CD70: variants seen among roughly 807,000 people sequenced by gnomAD.
CD70 encodes CD70 molecule.
In CD70, 6 loss-of-function variants were observed where a neutral mutation model predicts 9.0. That is an observed-to-expected ratio of 0.67 (90% CI 0.37 to 1.32). The LOEUF (loss-of-function observed/expected upper bound fraction) is 1.32, where lower values mean the gene tolerates loss of function less well. Ranked by LOEUF, CD70 falls within the 40% of genes most tolerant of loss-of-function variation. The pLI is 0.02. For missense variants in CD70, 235 were observed against 258.7 expected (o/e 0.91, Z 0.63); for synonymous variants, 108 against 112.3 (o/e 0.96, Z 0.24).
chr19:6,590,803 C>T lies in CD70; in HGVS notation c.162+38G>A. ...ATTCTGTCTTTTCGGTCACGCGCCTCTCTATGTTTTCTTCCCAACTTTTCC... is the reference window on the plus strand; with the variant it reads ...ATTCTGTCTTTTCGGTCACGCGCCTTTCTATGTTTTCTTCCCAACTTTTCC... On this transcript the variant is annotated intron_variant, in intron 1 of 2. Transcript: ENST00000245903. This position sits in a 1 kb window ranked among gnomAD's most constrained non-coding sequence, Gnocchi z 5.3. 2 of 1,564,998 alleles carry T rather than the reference C, an allele frequency of 1.3e-6. No individual in the cohort carries two copies. Among genetic ancestry groups the T allele is most frequent in the East Asian group, 2.2e-5 (1 of 44,570 alleles).
chr19:6,582,425 A>G (rs1915936087), downstream of CD70, among the ~76,000 whole-genome samples: 4 of 148,394 alleles, frequency 2.7e-5, no homozygotes, highest in Admixed American at 2.0e-4. Context: ...TTACATATGT[A>G]TATATGTGCC....
chr19:6,587,173 A>T (rs1916041593), intron 2 of CD70, among the ~76,000 whole-genome samples: 1 of 142,594 alleles, frequency 7.0e-6, no homozygotes, highest in African/African-American at 2.6e-5. Flanking sequence ...AGACAGCATG[A>T]GAGAGAGAGA....
rs1488195770 is a variant in CD70 at position 6,590,799 on chromosome 19, G to C, written c.162+42C>G. 6.5e-7 allele frequency: 1 copy of C among 1,529,728 alleles called. No individual in the cohort carries two copies. The highest frequency in any genetic ancestry group is 1.7e-5 in the Admixed American group (1 of 58,504). The allele number at this position is 1,529,728 out of a possible 1,614,324, so 94.8% of individuals were successfully genotyped here. ...TCTCATTCTGTCTTTTCGGTCACGC[G>C]CCTCTCTATGTTTTCTTCCCAACTT... On this transcript the variant is annotated intron_variant, in intron 1 of 2. Transcript: ENST00000245903. This position sits in a 1 kb window ranked among gnomAD's most constrained non-coding sequence, Gnocchi z 5.3.
At chr19:6,585,799 C>T (rs567306158), downstream of CD70, 65 of 476,332 alleles carry the variant, frequency 1.4e-4, 1 homozygote, top group East Asian at 1.9e-3. Flanking sequence ...CTCAGTCGGC[C>T]GAGTAGCTGG....
chr19:6,588,873 G>A (rs1916086676), intron 2 of CD70, among the ~76,000 whole-genome samples: 1 of 152,206 alleles, frequency 6.6e-6, no homozygotes, highest in Non-Finnish European at 1.5e-5. Context: ...AGGGATTTCT[G>A]TCTGTTTTGT....
intron 2 of CD70, among the ~76,000 whole-genome samples, chr19:6,589,264 CT>C (rs771158597): frequency 3.4e-4 from 50 of 149,070 alleles, no homozygotes; most frequent in African/African-American, 1.1e-3. Flanking sequence ...TTTTCTTTCT[CT>C]TATTTCTTTT....
At chr19:6,583,020 G>A (rs889924256), downstream of CD70, among the ~76,000 whole-genome samples, 1 of 152,134 alleles carries the variant, frequency 6.6e-6, no homozygotes, top group African/African-American at 2.4e-5. Context: ...TCCAGGTAAG[G>A]TTGGAGAGGG....
rs1247390055 is a variant in CD70 at position 6,590,417 on chromosome 19, C to T, written c.163-281G>A. On this transcript the variant is annotated intron_variant, in intron 1 of 2. Transcript: ENST00000245903. The surrounding 1 kb of genome is among the most constrained non-coding windows in gnomAD (Gnocchi z 5.3). ...TGTCACTGGGCGCGAGAGCACCGCG[C>T]GCAGCGGACTCTCTACGCTGCAAAG... is the stretch of plus-strand genomic sequence containing the variant. Among the ~76,000 whole-genome samples the T allele has an allele frequency of 3.9e-5, 6 of 152,312 alleles. No homozygotes were observed. Among genetic ancestry groups the T allele is most frequent in the Admixed American group, 6.5e-5 (1 of 15,300 alleles).
downstream of CD70, among the ~76,000 whole-genome samples, chr19:6,581,930 T>C (rs1444332803): frequency 6.6e-6 from 1 of 151,992 alleles, no homozygotes; most frequent in Non-Finnish European, 1.5e-5. Flanking sequence ...CTATATACAA[T>C]GGGGTACAGG....
In CD70 at chr19:6,590,033, C is replaced by T; in HGVS notation, c.196+70G>A. Reference sequence around the variant, plus strand: ...TTTCTCTCTGTCTCTCCCCACTTGTCTTTCTACCTCTCCTTCCTTCTCTCT... The same window carrying T: ...TTTCTCTCTGTCTCTCCCCACTTGTTTTTCTACCTCTCCTTCCTTCTCTCT... On this transcript the variant is annotated intron_variant, in intron 2 of 2. Coordinates refer to ENST00000245903, the MANE Select transcript of CD70 (RefSeq NM_001252.5). The surrounding 1 kb of genome is among the most constrained non-coding windows in gnomAD (Gnocchi z 5.3). 2.3e-6 allele frequency: 3 copies of T among 1,305,412 alleles called. No homozygotes were observed. The highest frequency in any genetic ancestry group is 3.3e-6 in the Non-Finnish European group (3 of 915,210). The allele number at this position is 1,305,412 out of a possible 1,614,324, so 80.9% of individuals were successfully genotyped here. A position where few individuals can be genotyped will look rare whatever the true frequency, so the allele number is the denominator to read the frequency against.
chr19:6,585,108 T>C (rs569088838), downstream of CD70, among the ~76,000 whole-genome samples: 38 of 152,074 alleles, frequency 2.5e-4, no homozygotes, highest in Admixed American at 2.1e-3. Context: ...TGCCTCAGCC[T>C]CCTGAGTAGC....
rs977515225 is a variant in CD70, at chr19:6,588,143, G to C, written c.197-1738C>G. 2.0e-5 allele frequency among the ~76,000 whole-genome samples: 3 copies of C among 152,162 alleles called. No individual in the cohort carries two copies. The East Asian group carries it at 5.8e-4, about 29-fold the overall frequency. On this transcript the variant is annotated intron_variant, in intron 2 of 2. Coordinates refer to ENST00000245903, the MANE Select transcript of CD70 (RefSeq NM_001252.5). Reference sequence around the variant, plus strand: ...CTATCTTGTTAGGAAGGAACTGAACGGGGTCAAACAGGAGCCCCAAGGGTG... The same window carrying C: ...CTATCTTGTTAGGAAGGAACTGAACCGGGTCAAACAGGAGCCCCAAGGGTG...
At chr19:6,588,392 G>T (rs183103586) in intron 2 of CD70, among the ~76,000 whole-genome samples, 5 of 152,108 alleles carry the variant, frequency 3.3e-5, no homozygotes, top group Non-Finnish European at 7.4e-5. Flanking sequence ...GCCGGGGAGG[G>T]GGGGAAGATA....
At chr19:6,587,612 T>C (rs527847227) in intron 2 of CD70, among the ~76,000 whole-genome samples, 167 of 146,930 alleles carry the variant, frequency 1.1e-3, no homozygotes, top group African/African-American at 3.9e-3. Context: ...ATAAAAGCTT[T>C]GGCTCCCAGG....
intron 2 of CD70, among the ~76,000 whole-genome samples, chr19:6,589,722 C>A (rs1916109697): frequency 6.6e-6 from 1 of 151,626 alleles, no homozygotes; most frequent in Admixed American, 6.6e-5. Context: ...CTTCCTCTAT[C>A]TGTCTTTTTT....
At chr19:6,582,505 C>T (rs542203718), downstream of CD70, among the ~76,000 whole-genome samples, 3 of 151,522 alleles carry the variant, frequency 2.0e-5, no homozygotes, top group African/African-American at 2.4e-5. Flanking sequence ...TCCCTCCCCC[C>T]CTCCCCCGAC....
Position 6,591,069 on chromosome 19 carries a change from A to C in CD70, c.-67T>G, listed in dbSNP as rs905382841. 1.3e-6 allele frequency: 2 copies of C among 1,507,038 alleles called. No individual in the cohort carries two copies. Among genetic ancestry groups the C allele is most frequent in the Non-Finnish European group, 1.8e-6 (2 of 1,128,922 alleles). 93.4% of individuals were successfully genotyped at this position (1,507,038 alleles called of 1,614,324 possible). A position where few individuals can be genotyped will look rare whatever the true frequency, so the allele number is the denominator to read the frequency against. On this transcript the variant is annotated 5_prime_UTR_variant, in exon 1 of 3. Transcript: ENST00000245903. Reference sequence around the variant, plus strand: ...GGGCGCGGAGCGCTGCCGAGAAGGAAGGAAGGAAACTGCAGCCCCCTCCCG... The same window carrying C: ...GGGCGCGGAGCGCTGCCGAGAAGGACGGAAGGAAACTGCAGCCCCCTCCCG...
At position 6,590,980 on chromosome 19, in the gene CD70, C is replaced by A. The variant is rs762476680; in HGVS notation, c.23G>T (p.Cys8Phe). The A allele has an allele frequency of 1.2e-6, 2 of 1,609,826 alleles. No homozygotes were observed. Among genetic ancestry groups the A allele is most frequent in the East Asian group, 2.2e-5 (1 of 44,666 alleles). Residue 8 changes from cysteine to phenylalanine, a missense_variant, in exon 1 of 3, where the codon TGC (cysteine) becomes TTC (phenylalanine). Cys to Phe is a radical substitution (Grantham distance 205). Coordinates refer to ENST00000245903, the MANE Select transcript of CD70 (RefSeq NM_001252.5). The surrounding 1 kb of genome is among the most constrained non-coding windows in gnomAD (Gnocchi z 5.3). MPEEGSGCSVRRRPYGCV... is the reference protein window; with the variant it reads MPEEGSGFSVRRRPYGCV... The stretch of plus-strand genomic sequence containing the variant: ...CCCATAGGGCCTGCGCCGCACCGAG[C>A]AGCCCGAACCCTCCTCCGGCATCGC...
At chr19:6,585,118 C>G (rs1915989106), downstream of CD70, among the ~76,000 whole-genome samples, 1 of 152,014 alleles carries the variant, frequency 6.6e-6, no homozygotes, top group African/African-American at 2.4e-5. Context: ...TCCTGAGTAG[C>G]TGGGATTACA....
Sources: allele counts gnomAD v4.1 joint callset (sites outside exome capture counted in the v4.1 genomes callset), GRCh38; gene constraint gnomAD v4.1.1; non-coding constraint Gnocchi (gnomAD v3.1); transcripts MANE v1.5; gene names NCBI Gene and HGNC (gene_info 2026-07-23, HGNC 2026-07-21).